RASGEF1C: variants seen among roughly 807,000 people sequenced by gnomAD.
The protein encoded by RASGEF1C is ras-GEF domain-containing family member 1C.
A neutral mutation model predicts 58.1 loss-of-function variants in RASGEF1C; 27 were observed. That is an observed-to-expected ratio of 0.46 (90% CI 0.34 to 0.64). RASGEF1C has a LOEUF of 0.64. Ranked by LOEUF, RASGEF1C falls within the 30% of genes least tolerant of loss-of-function variation. RASGEF1C has a pLI of 0.01. For synonymous variants in RASGEF1C, 243 were observed against 246.3 expected, an observed-to-expected ratio of 0.99 and a Z score of 0.13; for missense variants, 502 against 605.1, an observed-to-expected ratio of 0.83 and a Z score of 1.79.
At position 180,137,008 on chromosome 5, in the gene RASGEF1C, C is replaced by T. The variant is rs1295234350; in HGVS notation, c.301-493G>A. Among the ~76,000 whole-genome samples, 2 of 152,146 alleles carry T rather than the reference C, an allele frequency of 1.3e-5. No individual in the cohort carries two copies. The highest frequency in any genetic ancestry group is 2.9e-5 in the Non-Finnish European group (2 of 68,026). On this transcript the variant is annotated intron_variant, in intron 3 of 13. Transcript: ENST00000361132. The surrounding 1 kb of genome is among the most constrained non-coding windows in gnomAD (Gnocchi z 4.1). ...GTGAGCCTGGTGCGGTGGAGGCGGCCAAGCGCCACACCAGCCAGCCCGAGG... is the reference window on the plus strand; with the variant it reads ...GTGAGCCTGGTGCGGTGGAGGCGGCTAAGCGCCACACCAGCCAGCCCGAGG...
At chr5:180,105,855 G>A (rs574519017) in intron 12 of RASGEF1C, among the ~76,000 whole-genome samples, 4 of 151,810 alleles carry the variant, frequency 2.6e-5, no homozygotes, top group Non-Finnish European at 2.9e-5. Flanking sequence ...GTGACAGAGC[G>A]AGACTCTGTC....
At chr5:180,146,376 C>T (rs141132701) in intron 1 of RASGEF1C, among the ~76,000 whole-genome samples, 2 of 152,290 alleles carry the variant, frequency 1.3e-5, no homozygotes, top group East Asian at 3.9e-4. Context: ...GTTTCCAACT[C>T]CTGAGCTCAA....
chr5:180,107,797 C>T (rs568045068), intron 12 of RASGEF1C, among the ~76,000 whole-genome samples: 42 of 152,094 alleles, frequency 2.8e-4, no homozygotes, highest in South Asian at 1.2e-3. Context: ...GTAGTAGAGA[C>T]GAGGTTTCGC....
intron 1 of RASGEF1C, among the ~76,000 whole-genome samples, chr5:180,201,133 A>T (rs1320203720): frequency 6.6e-6 from 1 of 152,118 alleles, no homozygotes; most frequent in African/African-American, 2.4e-5. Flanking sequence ...CCCACCCTAC[A>T]TGGGGAAACA....
chr5:180,187,100 A>G (rs1756057399), intron 1 of RASGEF1C, among the ~76,000 whole-genome samples: 1 of 152,236 alleles, frequency 6.6e-6, no homozygotes, highest in African/African-American at 2.4e-5. Context: ...CTACAAAGCT[A>G]CAGTAATCAA....
intron 5 of RASGEF1C, 115 bp from the exon 6 acceptor site, chr5:180,127,798 A>C: frequency 1.1e-6 from 1 of 925,028 alleles, no homozygotes; most frequent in Non-Finnish European, 1.6e-6. Flanking sequence ...GTCACTCTGC[A>C]ACTGCCCTCC....
chr5:180,109,240 A>T (rs2113238238), intron 12 of RASGEF1C, among the ~76,000 whole-genome samples: 1 of 152,114 alleles, frequency 6.6e-6, no homozygotes, highest in Admixed American at 6.5e-5. Flanking sequence ...GTGGATCATG[A>T]GGTCAGGAGA....
chr5:180,187,892 G>T (rs1221213323), intron 1 of RASGEF1C, among the ~76,000 whole-genome samples: 1 of 152,234 alleles, frequency 6.6e-6, no homozygotes, highest in Non-Finnish European at 1.5e-5. Context: ...CTTGTGTGTT[G>T]CTGGTGGGAA....
intron 12 of RASGEF1C, among the ~76,000 whole-genome samples, chr5:180,108,290 C>T (rs1172126513): frequency 2.0e-5 from 3 of 151,610 alleles, no homozygotes; most frequent in African/African-American, 7.3e-5. Flanking sequence ...TAACCTCCAC[C>T]TCTTTGGTTC....
intron 1 of RASGEF1C, among the ~76,000 whole-genome samples, chr5:180,194,853 G>A (rs1477611497): frequency 3.9e-5 from 6 of 152,242 alleles, no homozygotes; most frequent in Admixed American, 6.5e-5. Flanking sequence ...TGGCCAGGGC[G>A]GTGGAGCGTG....
chr5:180,109,545 A>G (rs1411245095), intron 12 of RASGEF1C, among the ~76,000 whole-genome samples: 2 of 152,234 alleles, frequency 1.3e-5, no homozygotes, highest in African/African-American at 4.8e-5. Context: ...GTTACCTTCT[A>G]TGGCAAAAAG....
rs1312495770 is a variant in RASGEF1C at position 180,168,028 on chromosome 5, T to C, written c.-6-29970A>G. On this transcript the variant is annotated intron_variant, in intron 1 of 13. Coordinates refer to ENST00000361132, the MANE Select transcript of RASGEF1C (RefSeq NM_175062.4). The surrounding 1 kb of genome is among the most constrained non-coding windows in gnomAD (Gnocchi z 6.0). Reference sequence around the variant, plus strand: ...ACCTGGGCCGTGTTTTATTTTGTACTATAGTTGTCAAAGCCTATGATGGGT... The same window carrying C: ...ACCTGGGCCGTGTTTTATTTTGTACCATAGTTGTCAAAGCCTATGATGGGT... 1.3e-5 allele frequency among the ~76,000 whole-genome samples: 2 copies of C among 152,202 alleles called. No homozygotes were observed. The highest frequency in any genetic ancestry group is 6.5e-5 in the Admixed American group (1 of 15,270).
At chr5:180,133,956 G>T (rs1766422403) in intron 4 of RASGEF1C, among the ~76,000 whole-genome samples, 1 of 152,162 alleles carries the variant, frequency 6.6e-6, no homozygotes, top group African/African-American at 2.4e-5. Flanking sequence ...GTGGGGACAG[G>T]TATTATCCTG....
At chr5:180,121,681 A>ACACACACACAC (rs71892414) in intron 6 of RASGEF1C, among the ~76,000 whole-genome samples, 2 of 73,468 alleles carry the variant, frequency 2.7e-5, no homozygotes, top group African/African-American at 6.8e-5. Context: ...ACACACACAC[A>ACACACACACAC]CCCTCATTAT....
intron 10 of RASGEF1C, chr5:180,115,260 C>T (rs1378876673): frequency 6.9e-6 from 3 of 435,896 alleles, no homozygotes; most frequent in South Asian, 3.2e-5. Flanking sequence ...GTGATCTGCT[C>T]GCCTCGGCCT....
chr5:180,138,245 T>G, intron 1 of RASGEF1C, 187 bp from the exon 2 acceptor site: 1 of 460,314 alleles, frequency 2.2e-6, no homozygotes, highest in Non-Finnish European at 3.8e-6. Flanking sequence ...AGCACAGCCT[T>G]CATTCTCCGT....
At chr5:180,146,469 A>G (rs987782029) in intron 1 of RASGEF1C, among the ~76,000 whole-genome samples, 3 of 151,004 alleles carry the variant, frequency 2.0e-5, no homozygotes, top group Non-Finnish European at 4.4e-5. Context: ...GACTTTTATT[A>G]TGTTGAGGTA....
chr5:180,137,898 G>A lies in RASGEF1C; in HGVS notation c.155C>T (p.Pro52Leu). 6.2e-7 allele frequency: 1 copy of A among 1,613,000 alleles called. No individual in the cohort carries two copies. The highest frequency in any genetic ancestry group is 8.5e-7 in the Non-Finnish European group (1 of 1,179,804). ...SLETLIQHLV[P>L]TADYYPEKAY... ...CACCTCGGGGTAGTAGTCGGCTGTG[G>A]GCACCAGGTGCTGGATCAGTGTTTC... is the stretch of plus-strand genomic sequence containing the variant. Residue 52 changes from proline (P) to leucine (L), a missense_variant, in exon 2 of 14, where the codon CCC becomes CTC. Transcript: ENST00000361132. The surrounding 1 kb of genome is among the most constrained non-coding windows in gnomAD (Gnocchi z 4.1).
At chr5:180,200,251 G>A (rs1756361455) in intron 1 of RASGEF1C, among the ~76,000 whole-genome samples, 1 of 146,498 alleles carries the variant, frequency 6.8e-6, no homozygotes, top group Non-Finnish European at 1.5e-5. Flanking sequence ...GGGCTACAGA[G>A]CTGGAAAAAA....
Sources: gnomAD v4.1 joint callset for allele counts (sites outside exome capture counted in the v4.1 genomes callset) on GRCh38, gnomAD v4.1.1 for gene constraint, Gnocchi (gnomAD v3.1) non-coding constraint, MANE v1.5 for transcripts, NCBI Gene and HGNC (gene_info 2026-07-23, HGNC 2026-07-21) for gene names.